The following SGPP2 variants were observed in gnomAD, a reference collection of about 807,000 sequenced individuals.
The protein encoded by SGPP2 is sphingosine 1-phosphate phosphohydrolase 2.
Under a neutral mutation model 33.9 loss-of-function variants are expected in SGPP2, and 30 were observed. The observed-to-expected ratio is 0.89, with a 90% CI of 0.66 to 1.20. The LOEUF (loss-of-function observed/expected upper bound fraction) is 1.20. Among genes scored for constraint, SGPP2 ranks in the 50% most tolerant of loss-of-function variants. The pLI, the probability that SGPP2 is intolerant of heterozygous loss-of-function variation, is 0.00. For synonymous variants in SGPP2, 233 were observed against 225.0 expected (o/e 1.04, Z -0.32); for missense variants, 458 against 532.1 (o/e 0.86, Z 1.37).
At position 222,476,272 on chromosome 2, in the gene SGPP2, G is replaced by C. The variant is rs930353339; in HGVS notation, c.378+1546G>C. 2.0e-5 allele frequency among the ~76,000 whole-genome samples: 3 copies of C among 152,092 alleles called. No individual in the cohort carries two copies. Among genetic ancestry groups the C allele is most frequent in the Non-Finnish European group, 4.4e-5 (3 of 68,014 alleles). Reference sequence around the variant, plus strand: ...TAAATTCGAATGTTCTCAGGGGCAGGGGACAGAAATAAAGCAGCAATGTCC... The same window carrying C: ...TAAATTCGAATGTTCTCAGGGGCAGCGGACAGAAATAAAGCAGCAATGTCC... On this transcript the variant is annotated intron_variant, in intron 2 of 4. Coordinates refer to ENST00000321276, the MANE Select transcript of SGPP2 (RefSeq NM_152386.4). The surrounding 1 kb of genome is among the most constrained non-coding windows in gnomAD (Gnocchi z 4.3).
At chr2:222,556,025 A>T (rs997685030) in intron 4 of SGPP2, among the ~76,000 whole-genome samples, 1 of 152,194 alleles carries the variant, frequency 6.6e-6, no homozygotes, top group African/African-American at 2.4e-5. Flanking sequence ...CCAGAACCTC[A>T]TGGATCCCCA....
chr2:222,517,824 C>T (rs992449574), intron 2 of SGPP2, among the ~76,000 whole-genome samples: 2 of 152,206 alleles, frequency 1.3e-5, no homozygotes, highest in Admixed American at 1.3e-4. Flanking sequence ...GAGCCACACC[C>T]CTGTTGCACG....
intron 2 of SGPP2, among the ~76,000 whole-genome samples, chr2:222,488,381 T>G (rs1488442421): frequency 6.6e-6 from 1 of 152,174 alleles, no homozygotes; most frequent in Non-Finnish European, 1.5e-5. Context: ...TAGATTCTCT[T>G]AGGAGCATGC....
chr2:222,493,589 G>C (rs78373004), intron 2 of SGPP2, among the ~76,000 whole-genome samples: 1,541 of 152,248 alleles, frequency 0.01, 20 homozygotes, highest in African/African-American at 0.035. Context: ...TCCCGCCTTG[G>C]CCTCCCAAAG....
chr2:222,556,228 C>T (rs1689397073), intron 4 of SGPP2, among the ~76,000 whole-genome samples: 1 of 152,054 alleles, frequency 6.6e-6, no homozygotes, highest in Non-Finnish European at 1.5e-5. Flanking sequence ...AACCAAGAAG[C>T]CTATATGAAG....
intron 1 of SGPP2, chr2:222,453,142 G>A (rs1697518473): frequency 3.7e-6 from 3 of 801,476 alleles, no homozygotes; most frequent in South Asian, 2.7e-5. Flanking sequence ...GAAGGAAGAG[G>A]AGAGACAGTC....
chr2:222,492,525 T>C (rs946379154), intron 2 of SGPP2, among the ~76,000 whole-genome samples: 3 of 152,218 alleles, frequency 2.0e-5, no homozygotes, highest in Non-Finnish European at 2.9e-5. Context: ...TGAGGCTGCA[T>C]AGAACAGGGA....
rs1029599684 is a variant in SGPP2, at chr2:222,506,586, A to G, written c.379-15181A>G. ...TGCAAGAATACAGTATATAATACAT[A>G]TAACAAACAAAATATGTGTTCATCA... is the stretch of plus-strand genomic sequence containing the variant. On this transcript the variant is annotated intron_variant, in intron 2 of 4. Coordinates refer to ENST00000321276, the MANE Select transcript of SGPP2 (RefSeq NM_152386.4). Among the ~76,000 whole-genome samples, 7 of 152,234 alleles carry G rather than the reference A, an allele frequency of 4.6e-5. No homozygotes were observed. In the East Asian group the frequency reaches 9.6e-4, roughly 21 times the overall value.
intron 4 of SGPP2, 32 bp downstream of exon 4, chr2:222,525,065 T>C (rs1251902249): frequency 6.6e-7 from 1 of 1,517,854 alleles, no homozygotes; most frequent in Non-Finnish European, 9.1e-7. Flanking sequence ...TTGTGGTGAT[T>C]GTTTGAATGA....
rs1689527184 is a variant in SGPP2 at position 222,561,003 on chromosome 2, G to A, written c.*2105G>A. ...GCCTGTAGTCCCAGCTACTCAGGAG[G>A]CTGAGGCAGGAGAATGGCGTGAACC... On this transcript the variant is annotated 3_prime_UTR_variant, in exon 5 of 5. Transcript: ENST00000321276. 6.6e-6 allele frequency: 1 copy of A among 152,026 alleles called. No homozygotes were observed. The highest frequency in any genetic ancestry group is 1.5e-5 in the Non-Finnish European group (1 of 68,064). 9.4% of individuals were successfully genotyped at this position (152,026 alleles called of 1,614,324 possible).
intron 2 of SGPP2, among the ~76,000 whole-genome samples, chr2:222,487,488 A>T (rs1698129483): frequency 1.3e-5 from 2 of 152,180 alleles, no homozygotes; most frequent in Non-Finnish European, 2.9e-5. Flanking sequence ...TTATGATGAT[A>T]AAAATACTGG....
intron 1 of SGPP2, among the ~76,000 whole-genome samples, chr2:222,436,617 T>C (rs994541901): frequency 3.9e-5 from 6 of 152,118 alleles, no homozygotes; most frequent in Non-Finnish European, 7.4e-5. Context: ...AGCCGTAAAG[T>C]GAATGCGTTG....
intron 1 of SGPP2, among the ~76,000 whole-genome samples, chr2:222,439,093 G>T (rs1697287261): frequency 6.6e-6 from 1 of 152,190 alleles, no homozygotes; most frequent in African/African-American, 2.4e-5. Flanking sequence ...GGACCACAGT[G>T]ATGTTTTGGG....
At chr2:222,542,959 T>C (rs1699019918) in intron 4 of SGPP2, among the ~76,000 whole-genome samples, 1 of 152,116 alleles carries the variant, frequency 6.6e-6, no homozygotes, top group South Asian at 2.1e-4. Context: ...CCAGCTAATT[T>C]GTATTATTAC....
rs142228214 is a variant in SGPP2, at chr2:222,519,911, A to G, written c.379-1856A>G. The stretch of plus-strand genomic sequence containing the variant: ...GTACCACATTTTCTTTATCCAGTCC[A>G]CTATTGATGGGCACCTAGGTGGATT... On this transcript the variant is annotated intron_variant, in intron 2 of 4. Coordinates refer to ENST00000321276, the MANE Select transcript of SGPP2 (RefSeq NM_152386.4). 1.7e-3 allele frequency among the ~76,000 whole-genome samples: 261 copies of G among 152,270 alleles called. 1 individual carries two copies. Among genetic ancestry groups the G allele is most frequent in the Admixed American group, 0.012 (190 of 15,294 alleles).
intron 2 of SGPP2, among the ~76,000 whole-genome samples, chr2:222,484,926 A>G (rs531323754): frequency 3.8e-4 from 58 of 152,274 alleles, no homozygotes; most frequent in African/African-American, 1.3e-3. Flanking sequence ...TTTTAAACCA[A>G]TCAATTCCAC....
At chr2:222,508,146 A>G (rs1318850495) in intron 2 of SGPP2, among the ~76,000 whole-genome samples, 4 of 152,222 alleles carry the variant, frequency 2.6e-5, no homozygotes, top group African/African-American at 9.6e-5. Flanking sequence ...CAGATGTGAT[A>G]TCGTAATCTC....
intron 4 of SGPP2, among the ~76,000 whole-genome samples, chr2:222,543,970 A>G (rs1354067139): frequency 6.6e-6 from 1 of 152,216 alleles, no homozygotes; most frequent in Non-Finnish European, 1.5e-5. Flanking sequence ...GGCATGGCAC[A>G]TCCCTCTATT....
chr2:222,450,264 A>G (rs898081426), intron 1 of SGPP2, among the ~76,000 whole-genome samples: 4 of 152,194 alleles, frequency 2.6e-5, no homozygotes, highest in Admixed American at 1.3e-4. Context: ...AGTAACATCC[A>G]TCTTCTCATT....
Sources: gnomAD v4.1 joint callset for allele counts (sites outside exome capture counted in the v4.1 genomes callset) on GRCh38, gnomAD v4.1.1 for gene constraint, Gnocchi (gnomAD v3.1) non-coding constraint, MANE v1.5 for transcripts, NCBI Gene and HGNC (gene_info 2026-07-23, HGNC 2026-07-21) for gene names.